The following RGPD2 variants were observed in gnomAD, a reference collection of about 807,000 sequenced individuals.
The protein encoded by RGPD2 is RANBP2-like and GRIP domain-containing protein 2.
RGPD2 carries 2 observed loss-of-function variants against 36.0 expected under a neutral mutation model. That is an observed-to-expected ratio of 0.06 (90% CI 0.02 to 0.17). RGPD2 has a LOEUF of 0.17. Among genes scored for constraint, RGPD2 ranks in the 10% least tolerant of loss-of-function variants. The pLI, the probability that RGPD2 is intolerant of heterozygous loss-of-function variation, is 1.00. For missense variants in RGPD2, 40 were observed against 464.3 expected, an observed-to-expected ratio of 0.09 and a Z score of 8.40; for synonymous variants, 19 against 163.8, an observed-to-expected ratio of 0.12 and a Z score of 6.75.
At chr2:87,825,186 T>G (rs1574031258) in intron 1 of RGPD2, 2 of 393,402 alleles carry the variant, frequency 5.1e-6, no homozygotes, top group East Asian at 7.3e-5. Context: ...TATTTCCCCC[T>G]CTATTGATCC....
At chr2:87,827,343 T>C (rs1686846438), upstream of RGPD2, among the ~76,000 whole-genome samples, 1 of 152,252 alleles carries the variant, frequency 6.6e-6, no homozygotes, top group African/African-American at 2.4e-5. Flanking sequence ...GAGATTTCCA[T>C]AGTAGAATAA....
At chr2:87,897,172 GA>G in the RGPD2 span, among the ~76,000 whole-genome samples, 2 of 149,134 alleles carry the variant, frequency 1.3e-5, no homozygotes, top group African/African-American at 4.9e-5. Flanking sequence ...TTATTTGGAG[GA>G]AAGAGTAGCT....
At chr2:87,866,672 G>T in the RGPD2 span, among the ~76,000 whole-genome samples, 1 of 152,226 alleles carries the variant, frequency 6.6e-6, no homozygotes, top group Non-Finnish European at 1.5e-5. Context: ...CCTGGATGGG[G>T]TGCTTGGGCG....
the RGPD2 span, among the ~76,000 whole-genome samples, chr2:87,848,859 G>GGTGT: frequency 1.2e-4 from 18 of 144,946 alleles, no homozygotes; most frequent in South Asian, 1.2e-3. Flanking sequence ...TTGAGGGTGT[G>GGTGT]GTGTGTGTGT....
chr2:87,932,684 G>A, the RGPD2 span, among the ~76,000 whole-genome samples: 8 of 151,604 alleles, frequency 5.3e-5, no homozygotes, highest in Non-Finnish European at 8.8e-5. Flanking sequence ...TGCCTGAAAA[G>A]GATCTTATTT....
At chr2:87,857,960 A>G in the RGPD2 span, among the ~76,000 whole-genome samples, 3 of 152,384 alleles carry the variant, frequency 2.0e-5, no homozygotes, top group Admixed American at 2.0e-4. Flanking sequence ...AAGGGAAAAG[A>G]GTTCTGAAAT....
the RGPD2 span, among the ~76,000 whole-genome samples, chr2:87,971,548 T>C: frequency 7.1e-4 from 102 of 144,130 alleles, no homozygotes; most frequent in Non-Finnish European, 1.2e-3. Flanking sequence ...AACTCTGATA[T>C]ATGTAAAATA....
chr2:87,863,547 G>C, the RGPD2 span, among the ~76,000 whole-genome samples: 12 of 151,988 alleles, frequency 7.9e-5, no homozygotes, highest in African/African-American at 2.9e-4. Flanking sequence ...CTTGCTGAAG[G>C]CAAATGGAAT....
At chr2:87,853,769 T>C in the RGPD2 span, among the ~76,000 whole-genome samples, 1 of 152,038 alleles carries the variant, frequency 6.6e-6, no homozygotes, top group Non-Finnish European at 1.5e-5. Flanking sequence ...TAGTGTAAAA[T>C]ATTCAATTTA....
rs535381410 is a variant in RGPD2, at chr2:87,807,324, G to C, written c.780-433C>G. Among the ~76,000 whole-genome samples the C allele has an allele frequency of 6.0e-4, 86 of 144,536 alleles. 10 individuals are homozygous for C. The highest frequency in any genetic ancestry group is 2.4e-3 in the African/African-American group (83 of 35,090). 94.8% of individuals were successfully genotyped at this position (144,536 alleles called of 152,430 possible). ...ATAAGTAAGTAACTGACAGGTATTT[G>C]AGTATCAATACAGCAATTGCTCTTT... On this transcript the variant is annotated intron_variant, in intron 6 of 22. Coordinates refer to ENST00000398146, the MANE Select transcript of RGPD2 (RefSeq NM_001078170.3).
At chr2:87,885,924 A>T in the RGPD2 span, among the ~76,000 whole-genome samples, 1 of 152,062 alleles carries the variant, frequency 6.6e-6, no homozygotes, top group African/African-American at 2.4e-5. Flanking sequence ...ATCACAGATG[A>T]TTTTTTACAC....
At chr2:87,852,832 T>G in the RGPD2 span, among the ~76,000 whole-genome samples, 2 of 152,298 alleles carry the variant, frequency 1.3e-5, no homozygotes, top group East Asian at 3.8e-4. Context: ...CTCCAGCACT[T>G]CCTATTTGTT....
chr2:87,808,987 C>G (rs1357221342), intron 6 of RGPD2, among the ~76,000 whole-genome samples: 1 of 86,632 alleles, frequency 1.2e-5, no homozygotes, highest in Non-Finnish European at 2.6e-5. Flanking sequence ...TTTGGGAGGC[C>G]AAGGTAGACA....
chr2:87,983,213 G>A, the RGPD2 span, among the ~76,000 whole-genome samples: 3 of 152,180 alleles, frequency 2.0e-5, no homozygotes, highest in African/African-American at 4.8e-5. Context: ...CCAGCTACTC[G>A]GGAGGCTGAG....
the RGPD2 span, among the ~76,000 whole-genome samples, chr2:87,930,986 T>G: frequency 3.7e-5 from 3 of 80,500 alleles, no homozygotes; most frequent in Admixed American, 4.5e-4. Context: ...TAGCTAGTTA[T>G]CTATCTATTT....
the RGPD2 span, among the ~76,000 whole-genome samples, chr2:87,905,246 G>C: frequency 6.6e-6 from 1 of 152,364 alleles, no homozygotes; most frequent in East Asian, 1.9e-4. Context: ...GACACGAACA[G>C]AGACACCTCA....
chr2:87,815,203 G>C (rs1392890977), intron 4 of RGPD2, among the ~76,000 whole-genome samples: 1 of 143,876 alleles, frequency 7.0e-6, no homozygotes, highest in Admixed American at 6.8e-5. Context: ...TTGTGCTTTG[G>C]TCGGGTTAAA....
chr2:87,877,324 T>A, the RGPD2 span, among the ~76,000 whole-genome samples: 1 of 152,252 alleles, frequency 6.6e-6, no homozygotes, highest in Non-Finnish European at 1.5e-5. Flanking sequence ...TCAGTGTGTT[T>A]TTGTAGTGTT....
intron 1 of RGPD2, 128 bp downstream of exon 1, chr2:87,825,526 CGAGG>C (rs1686733832): frequency 4.9e-6 from 2 of 405,432 alleles, no homozygotes; most frequent in African/African-American, 7.4e-5. Context: ...GCCGCCCGGC[CGAGG>C]CCGAGGCCGA....
Sources: gnomAD v4.1 joint callset for allele counts (sites outside exome capture counted in the v4.1 genomes callset) on GRCh38, gnomAD v4.1.1 for gene constraint, MANE v1.5 for transcripts, NCBI Gene and HGNC (gene_info 2026-07-23, HGNC 2026-07-21) for gene names.